The following SLC24A2 variants were observed in gnomAD, a reference collection of about 807,000 sequenced individuals.
The protein encoded by SLC24A2 is sodium/potassium/calcium exchanger 2.
Under a neutral mutation model 62.0 loss-of-function variants are expected in SLC24A2, and 36 were observed. The ratio of observed to expected loss-of-function variants is 0.58; its 90% CI spans 0.44 to 0.77. The LOEUF is 0.77. Among genes scored for constraint, SLC24A2 ranks in the 30% least tolerant of loss-of-function variants. The pLI, the probability that SLC24A2 is intolerant of heterozygous loss-of-function variation, is 0.00. For missense variants in SLC24A2, 846 were observed against 817.9 expected, an observed-to-expected ratio of 1.03 and a Z score of -0.42; for synonymous variants, 358 against 294.0, an observed-to-expected ratio of 1.22 and a Z score of -2.23.
intron 2 of SLC24A2, among the ~76,000 whole-genome samples, chr9:19,740,533 C>T (rs964460880): frequency 2.6e-5 from 4 of 152,192 alleles, no homozygotes; most frequent in Non-Finnish European, 4.4e-5. Context: ...ACAGTGGCTA[C>T]TCCTTTGGGA....
chr9:20,189,465 T>C, the SLC24A2 span, among the ~76,000 whole-genome samples: 1 of 152,190 alleles, frequency 6.6e-6, no homozygotes, highest in Non-Finnish European at 1.5e-5. Context: ...CCATAAGAAC[T>C]TTATTTTTTT....
chr9:19,700,185 T>A (rs1420929253), intron 2 of SLC24A2, among the ~76,000 whole-genome samples: 3 of 152,130 alleles, frequency 2.0e-5, no homozygotes, highest in Non-Finnish European at 4.4e-5. Context: ...AACTTCTTGG[T>A]TTTATGACAT....
chr9:20,303,273 T>G, the SLC24A2 span, among the ~76,000 whole-genome samples: 1 of 152,138 alleles, frequency 6.6e-6, no homozygotes, highest in African/African-American at 2.4e-5. Context: ...AAAGGGTACA[T>G]CCCTCCTCCC....
chr9:20,094,590 G>C, the SLC24A2 span, among the ~76,000 whole-genome samples: 2 of 152,068 alleles, frequency 1.3e-5, no homozygotes, highest in African/African-American at 4.8e-5. Context: ...TAGCAAAAAA[G>C]AAAAATCACC....
intron 2 of SLC24A2, among the ~76,000 whole-genome samples, chr9:19,666,900 A>G (rs907255587): frequency 8.5e-5 from 13 of 152,340 alleles, no homozygotes; most frequent in African/African-American, 3.1e-4. Context: ...CACCATGACA[A>G]GTGCTATTTA....
chr9:20,102,701 T>C, the SLC24A2 span, among the ~76,000 whole-genome samples: 2 of 148,112 alleles, frequency 1.4e-5, no homozygotes, highest in East Asian at 3.9e-4. Context: ...AAAGAAAATA[T>C]AAATAAGACT....
chr9:19,919,591 T>C, the SLC24A2 span, among the ~76,000 whole-genome samples: 172 of 152,256 alleles, frequency 1.1e-3, 1 homozygote, highest in South Asian at 0.015. Flanking sequence ...AAAAAGTCTG[T>C]ATTAATTTAT....
the SLC24A2 span, among the ~76,000 whole-genome samples, chr9:19,964,127 CCA>C: frequency 6.7e-6 from 1 of 148,204 alleles, no homozygotes; most frequent in South Asian, 2.1e-4. Flanking sequence ...GGACAAAAAA[CCA>C]AACACCGCAT....
At chr9:20,024,033 T>C in the SLC24A2 span, among the ~76,000 whole-genome samples, 1 of 152,340 alleles carries the variant, frequency 6.6e-6, no homozygotes, top group Non-Finnish European at 1.5e-5. Flanking sequence ...GGAAACGCTT[T>C]CCCATTTTCC....
At chr9:19,551,520 T>C (rs1361185018) in intron 7 of SLC24A2, among the ~76,000 whole-genome samples, 1 of 152,066 alleles carries the variant, frequency 6.6e-6, no homozygotes, top group Non-Finnish European at 1.5e-5. Flanking sequence ...TGTTTGAAAA[T>C]GAAAGTGCAG....
At chr9:19,800,800 G>A in the SLC24A2 span, among the ~76,000 whole-genome samples, 2 of 152,168 alleles carry the variant, frequency 1.3e-5, no homozygotes, top group African/African-American at 4.8e-5. Context: ...TCTCAGTGTG[G>A]AAAGATTCTC....
chr9:19,728,140 C>A (rs1435068189), intron 2 of SLC24A2, among the ~76,000 whole-genome samples: 1 of 152,166 alleles, frequency 6.6e-6, no homozygotes, highest in Non-Finnish European at 1.5e-5. Context: ...CATGGCACAA[C>A]TGGCCTTTAC....
At chr9:20,218,639 T>C in the SLC24A2 span, among the ~76,000 whole-genome samples, 4 of 152,210 alleles carry the variant, frequency 2.6e-5, no homozygotes, top group South Asian at 2.1e-4. Flanking sequence ...GAAGTTCTAG[T>C]TCTGATGTTG....
At chr9:20,231,408 A>C in the SLC24A2 span, among the ~76,000 whole-genome samples, 2 of 151,974 alleles carry the variant, frequency 1.3e-5, no homozygotes, top group African/African-American at 4.8e-5. Context: ...CTTTTATTTC[A>C]TTGAGCAGTG....
the SLC24A2 span, among the ~76,000 whole-genome samples, chr9:20,195,010 T>G: frequency 1.3e-5 from 2 of 152,188 alleles, no homozygotes; most frequent in African/African-American, 4.8e-5. Flanking sequence ...TAAATTAGTT[T>G]CTTTTTGAAC....
chr9:19,754,372 T>G (rs539980256), intron 2 of SLC24A2, among the ~76,000 whole-genome samples: 1 of 152,340 alleles, frequency 6.6e-6, no homozygotes, highest in East Asian at 1.9e-4. Context: ...GCCAGCCCTA[T>G]TTCTCACTGT....
chr9:19,547,054 G>A lies in SLC24A2; in HGVS notation c.1479+3083C>T, dbSNP rs1359433058. On this transcript the variant is annotated intron_variant, in intron 8 of 10. Transcript: ENST00000341998. ...GCGATCTCGCTGGGAGCTGCATACT[G>A]GAGCTGTTCCTATTTGGCCATCTTG... Among the ~76,000 whole-genome samples, 5 of 151,716 alleles carry A rather than the reference G, an allele frequency of 3.3e-5. No homozygotes were observed. In the East Asian group the frequency reaches 7.8e-4, roughly 24 times the overall value.
upstream of SLC24A2, among the ~76,000 whole-genome samples, chr9:19,793,561 A>G (rs1383269793): frequency 1.3e-5 from 2 of 152,234 alleles, no homozygotes; most frequent in Non-Finnish European, 2.9e-5. Context: ...GGGAACTGAT[A>G]TGTTACACAC....
chr9:20,265,443 C>T, the SLC24A2 span, among the ~76,000 whole-genome samples: 1 of 152,156 alleles, frequency 6.6e-6, no homozygotes, highest in African/African-American at 2.4e-5. Flanking sequence ...TAATTTCTTA[C>T]GCCTGTCTTT....
Sources: gnomAD v4.1 joint callset for allele counts (sites outside exome capture counted in the v4.1 genomes callset) on GRCh38, gnomAD v4.1.1 for gene constraint, MANE v1.5 for transcripts, NCBI Gene and HGNC (gene_info 2026-07-23, HGNC 2026-07-21) for gene names.